GPBP1: variants seen among roughly 807,000 people sequenced by gnomAD.
The protein encoded by GPBP1 is vasculin.
Under a neutral mutation model 56.5 loss-of-function variants are expected in GPBP1, and 13 were observed. The ratio of observed to expected loss-of-function variants is 0.23; its 90% CI spans 0.15 to 0.37. The LOEUF (loss-of-function observed/expected upper bound fraction) is 0.37, where lower values mean the gene tolerates loss of function less well. GPBP1 is among the 10% of genes least tolerant of loss of function. The probability of loss-of-function intolerance (pLI) is 1.00; values close to 1 mark genes in which losing one functional copy is unlikely to be tolerated. For synonymous variants in GPBP1, 204 were observed against 188.9 expected, an observed-to-expected ratio of 1.08 and a Z score of -0.66; for missense variants, 477 against 572.3, an observed-to-expected ratio of 0.83 and a Z score of 1.70.
At chr5:57,210,624 GT>G (rs1433861079) in intron 2 of GPBP1, among the ~76,000 whole-genome samples, 1 of 152,168 alleles carries the variant, frequency 6.6e-6, no homozygotes, top group Non-Finnish European at 1.5e-5. Context: ...AAACATTTTA[GT>G]TGGTCTATTT....
In GPBP1 at chr5:57,247,179, C is replaced by T. The variant is rs370928458; in HGVS notation, c.768C>T (p.Ala256=). 49 of 1,613,524 alleles carry T rather than the reference C, an allele frequency of 3.0e-5. No homozygotes were observed. In the African/African-American group the frequency reaches 5.3e-4, roughly 18 times the overall value. Residue 256 remains alanine, a synonymous_variant, in exon 8 of 12, where the codon GCC becomes GCT. Transcript: ENST00000506184. ...VGNFNAFKST[A]KNFSPSTNSV... ...ACTTTAATGCTTTTAAATCAACTGCCAAGAACTTTAGTCCATCTACAAATT... is the reference window on the plus strand; with the variant it reads ...ACTTTAATGCTTTTAAATCAACTGCTAAGAACTTTAGTCCATCTACAAATT...
In GPBP1 at chr5:57,230,916, G is replaced by A. The variant is rs777573005; in HGVS notation, c.134G>A (p.Arg45Gln). The A allele has an allele frequency of 4.3e-6, 7 of 1,612,584 alleles. No homozygotes were observed. Among genetic ancestry groups the A allele is most frequent in the East Asian group, 2.2e-5 (1 of 44,862 alleles). ...GAGAATCGTTATGATGTGAACCGTC[G>A]ACGACACAACTCTTCAGATGGCTTT... ...WTENRYDVNRRRHNSSDGFDS... is the reference protein window; with the variant it reads ...WTENRYDVNRQRHNSSDGFDS... The change falls in exon 4 of 12, where the codon CGA becomes CAA. Residue 45 changes from arginine (R) to glutamine (Q), a missense_variant. Around this residue, in one of 2 missense-constraint regions of GPBP1, gnomAD observed 414 missense variants for 458.2 expected, o/e 0.90. Transcript: ENST00000506184.
intron 3 of GPBP1, among the ~76,000 whole-genome samples, chr5:57,225,959 A>G (rs954381741): frequency 2.0e-5 from 3 of 152,246 alleles, no homozygotes; most frequent in Admixed American, 6.5e-5. Flanking sequence ...CAGATACCTG[A>G]AAGTTAACGA....
chr5:57,259,218 A>G (rs766512780), intron 10 of GPBP1, among the ~76,000 whole-genome samples: 8 of 152,170 alleles, frequency 5.3e-5, no homozygotes, highest in East Asian at 1.9e-4. Context: ...CCAAAATTCT[A>G]TTTGTCTTTG....
chr5:57,229,770 C>T (rs1045767004), intron 3 of GPBP1, among the ~76,000 whole-genome samples: 1 of 151,922 alleles, frequency 6.6e-6, no homozygotes, highest in African/African-American at 2.4e-5. Flanking sequence ...AACTCCTGAC[C>T]TCAGGTGATC....
chr5:57,192,117 T>C, intron 2 of GPBP1, among the ~76,000 whole-genome samples: 1 of 152,222 alleles, frequency 6.6e-6, no homozygotes, highest in East Asian at 1.9e-4. Context: ...AGAAGGATGC[T>C]AAACTTGAGG....
In GPBP1 at chr5:57,234,421, G is replaced by A. The variant is rs568621876; in HGVS notation, c.412-1545G>A. Among the ~76,000 whole-genome samples the A allele has an allele frequency of 3.9e-5, 6 of 152,196 alleles. No homozygotes were observed. In the East Asian group the frequency reaches 9.7e-4, roughly 24 times the overall value. On this transcript the variant is annotated intron_variant, in intron 5 of 11. Coordinates refer to ENST00000506184, the MANE Select transcript of GPBP1 (RefSeq NM_022913.4). ...GACTTGGCTTTGGCTTTGATAGTGCGTGTGTTAACTAGTGATGACAACTTT... is the reference window on the plus strand; with the variant it reads ...GACTTGGCTTTGGCTTTGATAGTGCATGTGTTAACTAGTGATGACAACTTT...
intron 2 of GPBP1, among the ~76,000 whole-genome samples, chr5:57,193,536 C>T (rs565739262): frequency 5.6e-4 from 83 of 149,278 alleles, no homozygotes; most frequent in African/African-American, 2.0e-3. Flanking sequence ...ATCGCTTGAG[C>T]CCAGGAGGTG....
At chr5:57,254,191 GCT>G (rs1741528763) in intron 10 of GPBP1, among the ~76,000 whole-genome samples, 2 of 152,162 alleles carry the variant, frequency 1.3e-5, no homozygotes, top group African/African-American at 2.4e-5. Flanking sequence ...CTCCCAGAGT[GCT>G]GGGATTACAG....
intron 10 of GPBP1, among the ~76,000 whole-genome samples, chr5:57,252,391 A>G (rs1485809265): frequency 2.6e-5 from 4 of 151,870 alleles, no homozygotes; most frequent in Admixed American, 6.6e-5. Context: ...AATTGTCCCA[A>G]TATGTGATTT....
chr5:57,252,820 G>A (rs574777579), intron 10 of GPBP1, among the ~76,000 whole-genome samples: 78 of 150,192 alleles, frequency 5.2e-4, no homozygotes, highest in Non-Finnish European at 9.3e-4. Context: ...AGAGATTCTT[G>A]TGCTTCAGCC....
At chr5:57,250,453 T>G (rs910953516) in intron 9 of GPBP1, among the ~76,000 whole-genome samples, 1 of 152,178 alleles carries the variant, frequency 6.6e-6, no homozygotes, top group Non-Finnish European at 1.5e-5. Flanking sequence ...TGTATAGATA[T>G]GAATACTTAG....
At chr5:57,251,839 C>A (rs1741406971) in intron 10 of GPBP1, among the ~76,000 whole-genome samples, 1 of 152,098 alleles carries the variant, frequency 6.6e-6, no homozygotes, top group African/African-American at 2.4e-5. Flanking sequence ...CACATTCTTA[C>A]CAACACATGG....
At chr5:57,220,855 C>A (rs1218401422) in intron 3 of GPBP1, among the ~76,000 whole-genome samples, 1 of 152,064 alleles carries the variant, frequency 6.6e-6, no homozygotes, top group Non-Finnish European at 1.5e-5. Flanking sequence ...TTTTATTGTA[C>A]CTTTTCTGTC....
At chr5:57,200,124 G>T (rs1245305678) in intron 2 of GPBP1, among the ~76,000 whole-genome samples, 2 of 120,166 alleles carry the variant, frequency 1.7e-5, no homozygotes, top group Non-Finnish European at 3.3e-5. Flanking sequence ...TGCCTCACCC[G>T]TCCCCGCCCC....
chr5:57,200,592 C>T (rs1344465676), intron 2 of GPBP1, among the ~76,000 whole-genome samples: 1 of 151,902 alleles, frequency 6.6e-6, no homozygotes, highest in Admixed American at 6.6e-5. Flanking sequence ...TGGCCTCGAC[C>T]TCCTGACCTT....
Position 57,233,192 on chromosome 5 carries a change from G to C in GPBP1, c.411+1871G>C, listed in dbSNP as rs528328215. ...AGATAAATGAAAATAAATAGTTTTTGGATATGATTTGGAAGTATTTTGGAT... is the reference window on the plus strand; with the variant it reads ...AGATAAATGAAAATAAATAGTTTTTCGATATGATTTGGAAGTATTTTGGAT... On this transcript the variant is annotated intron_variant, in intron 5 of 11. Transcript: ENST00000506184. Among the ~76,000 whole-genome samples, 31 of 152,218 alleles carry C rather than the reference G, an allele frequency of 2.0e-4. No homozygotes were observed. The South Asian group carries it at 3.9e-3, about 19-fold the overall frequency.
intron 2 of GPBP1, among the ~76,000 whole-genome samples, chr5:57,193,878 A>G (rs925203617): frequency 3.3e-5 from 5 of 152,376 alleles, no homozygotes; most frequent in African/African-American, 1.2e-4. Flanking sequence ...ATTTATGCAC[A>G]CAAATTACAA....
At chr5:57,224,915 C>A (rs542991413) in intron 3 of GPBP1, among the ~76,000 whole-genome samples, 1 of 151,558 alleles carries the variant, frequency 6.6e-6, no homozygotes, top group African/African-American at 2.4e-5. Context: ...GTGAACTGCT[C>A]ACCTACTCTC....
Sources: gnomAD v4.1 joint callset for allele counts (sites outside exome capture counted in the v4.1 genomes callset) on GRCh38, gnomAD v4.1.1 for gene constraint, gnomAD v4.1.1 regional missense constraint, MANE v1.5 for transcripts, NCBI Gene and HGNC (gene_info 2026-07-23, HGNC 2026-07-21) for gene names.